SLC25A21: variants seen among roughly 807,000 people sequenced by gnomAD.
SLC25A21 encodes mitochondrial 2-oxodicarboxylate carrier.
A neutral mutation model predicts 43.8 loss-of-function variants in SLC25A21; 47 were observed. The ratio of observed to expected loss-of-function variants is 1.07; its 90% confidence interval spans 0.85 to 1.37. The LOEUF (loss-of-function observed/expected upper bound fraction) is 1.37. Ranked by LOEUF, SLC25A21 falls within the 40% of genes most tolerant of loss-of-function variation. The pLI is 0.00. For missense variants in SLC25A21, 352 were observed against 350.2 expected (o/e 1.00, Z -0.04); for synonymous variants, 131 against 121.3 (o/e 1.08, Z -0.52).
intron 1 of SLC25A21, among the ~76,000 whole-genome samples, chr14:37,143,228 T>C (rs1398198376): frequency 6.6e-6 from 1 of 152,236 alleles, no homozygotes; most frequent in Non-Finnish European, 1.5e-5. Flanking sequence ...AGGATTTTCA[T>C]GCAATGCTTC....
At chr14:36,890,148 G>T (rs1422018494) in intron 1 of SLC25A21, among the ~76,000 whole-genome samples, 1 of 152,084 alleles carries the variant, frequency 6.6e-6, no homozygotes, top group Non-Finnish European at 1.5e-5. Context: ...GCAGGGGGAG[G>T]TATGAAATAG....
chr14:36,795,119 A>G (rs1449289209), intron 3 of SLC25A21, among the ~76,000 whole-genome samples: 1 of 152,202 alleles, frequency 6.6e-6, no homozygotes, highest in East Asian at 1.9e-4. Flanking sequence ...CTGTTAAAAG[A>G]AAGTCTATAT....
At chr14:37,115,627 A>T (rs1233707458) in intron 1 of SLC25A21, among the ~76,000 whole-genome samples, 1 of 152,174 alleles carries the variant, frequency 6.6e-6, no homozygotes, top group Non-Finnish European at 1.5e-5. Flanking sequence ...TAGGGCTAGG[A>T]GATGTATTTG....
chr14:36,891,189 G>T (rs1467789817), intron 1 of SLC25A21, among the ~76,000 whole-genome samples: 1 of 152,136 alleles, frequency 6.6e-6, no homozygotes, highest in Non-Finnish European at 1.5e-5. Flanking sequence ...AGCACTAAAA[G>T]AATCTCTTGA....
intron 1 of SLC25A21, among the ~76,000 whole-genome samples, chr14:37,112,052 T>G (rs989915230): frequency 2.0e-5 from 3 of 152,198 alleles, no homozygotes; most frequent in South Asian, 4.1e-4. Flanking sequence ...ATCCTTGCCT[T>G]CATGAAGCTT....
chr14:36,752,266 G>C (rs187227503), intron 3 of SLC25A21, among the ~76,000 whole-genome samples: 1 of 152,310 alleles, frequency 6.6e-6, no homozygotes, highest in Non-Finnish European at 1.5e-5. Flanking sequence ...GAAAAGATGT[G>C]AAGAAATTGG....
At position 36,794,355 on chromosome 14, in the gene SLC25A21, CT is replaced by C. The variant is rs940498948; in HGVS notation, c.203+19562del. Among the ~76,000 whole-genome samples, 28 of 152,228 alleles carry C rather than the reference CT, an allele frequency of 1.8e-4. 1 individual carries two copies. Among genetic ancestry groups the C allele is most frequent in the African/African-American group, 6.7e-4 (28 of 41,520 alleles). ...TTTAATAACATGAATTTCAATGAGTCTTTTAATAGACACACCACCAATATGT... is the reference window on the plus strand; with the variant it reads ...TTTAATAACATGAATTTCAATGAGTCTTTAATAGACACACCACCAATATGT... On this transcript the variant is annotated intron_variant, in intron 3 of 9. Coordinates refer to ENST00000331299, the MANE Select transcript of SLC25A21 (RefSeq NM_030631.4).
At chr14:36,953,410 C>T (rs1377453226) in intron 1 of SLC25A21, among the ~76,000 whole-genome samples, 2 of 151,924 alleles carry the variant, frequency 1.3e-5, no homozygotes, top group African/African-American at 4.8e-5. Context: ...ATATAGATAG[C>T]ATATATAGTC....
intron 1 of SLC25A21, among the ~76,000 whole-genome samples, chr14:37,162,476 C>A (rs1184684167): frequency 1.7e-5 from 1 of 58,446 alleles, no homozygotes; most frequent in Non-Finnish European, 4.1e-5. Context: ...AAAAAGTGGG[C>A]GAAGGACATG....
At chr14:36,787,920 A>C (rs1377449224) in intron 3 of SLC25A21, among the ~76,000 whole-genome samples, 1 of 152,224 alleles carries the variant, frequency 6.6e-6, no homozygotes, top group Non-Finnish European at 1.5e-5. Flanking sequence ...TGTGCAAAGT[A>C]TAAACTCAGC....
At chr14:36,993,716 G>C (rs1365347481) in intron 1 of SLC25A21, among the ~76,000 whole-genome samples, 1 of 152,064 alleles carries the variant, frequency 6.6e-6, no homozygotes, top group East Asian at 1.9e-4. Flanking sequence ...ATGTTAACTA[G>C]TGTGGGACTA....
chr14:36,969,507 G>GAGAC (rs1959701526), intron 1 of SLC25A21, among the ~76,000 whole-genome samples: 1 of 152,034 alleles, frequency 6.6e-6, no homozygotes. Context: ...AATTTTTTTA[G>GAGAC]AGACAGGGTC....
intron 3 of SLC25A21, among the ~76,000 whole-genome samples, chr14:36,757,789 C>T (rs914694700): frequency 2.6e-5 from 4 of 152,366 alleles, no homozygotes; most frequent in Admixed American, 2.6e-4. Flanking sequence ...AAAGTCACCA[C>T]TAGCACTTGC....
In SLC25A21 at chr14:36,711,346, T is replaced by C. The variant is rs1184992492; in HGVS notation, c.575A>G (p.Asn192Ser). The change falls in exon 7 of 10, where the codon AAT becomes AGT. Residue 192 changes from asparagine to serine, a missense_variant. Asn to Ser is a conservative substitution (Grantham distance 46). Transcript: ENST00000331299. ...ATTGACAGGAATCATGTTTTTGACATTGTAGTAGAAGCCAAAATAAACCAT... is the reference window on the plus strand; with the variant it reads ...ATTGACAGGAATCATGTTTTTGACACTGTAGTAGAAGCCAAAATAAACCAT... Reference protein sequence around the residue: ...FNMVYFGFYYNVKNMIPVNKD... With the variant: ...FNMVYFGFYYSVKNMIPVNKD... 2.5e-6 allele frequency: 4 copies of C among 1,614,060 alleles called. No individual in the cohort carries two copies. Among genetic ancestry groups the C allele is most frequent in the East Asian group, 2.2e-5 (1 of 44,874 alleles).
At chr14:36,892,313 T>C (rs888176399) in intron 1 of SLC25A21, among the ~76,000 whole-genome samples, 5 of 152,190 alleles carry the variant, frequency 3.3e-5, no homozygotes, top group African/African-American at 1.2e-4. Context: ...CCAATGTTTC[T>C]TGCAGTTCAT....
chr14:36,796,463 A>C (rs1017035637), intron 3 of SLC25A21, among the ~76,000 whole-genome samples: 1 of 151,770 alleles, frequency 6.6e-6, no homozygotes, highest in African/African-American at 2.4e-5. Context: ...ACAGAGTTGA[A>C]CATTTTAATA....
chr14:36,839,676 G>A (rs936276668), intron 2 of SLC25A21, among the ~76,000 whole-genome samples: 17 of 152,200 alleles, frequency 1.1e-4, no homozygotes, highest in Non-Finnish European at 1.8e-4. Context: ...ACTTAATGAT[G>A]GGGACATGTT....
chr14:37,169,040 G>A (rs1964077290), intron 1 of SLC25A21, among the ~76,000 whole-genome samples: 1 of 152,102 alleles, frequency 6.6e-6, no homozygotes, highest in Non-Finnish European at 1.5e-5. Flanking sequence ...CCCCATGTAG[G>A]TTACAGCTGC....
At chr14:36,861,382 T>C (rs1890060706) in intron 2 of SLC25A21, among the ~76,000 whole-genome samples, 1 of 152,196 alleles carries the variant, frequency 6.6e-6, no homozygotes, top group African/African-American at 2.4e-5. Context: ...TTCGGCTTGA[T>C]TCCCATATGC....
Sources: gnomAD v4.1 joint callset for allele counts (sites outside exome capture counted in the v4.1 genomes callset) on GRCh38, gnomAD v4.1.1 for gene constraint, MANE v1.5 for transcripts, NCBI Gene and HGNC (gene_info 2026-07-23, HGNC 2026-07-21) for gene names.